Variants in ANK1 observed in about 807,000 individuals in gnomAD.
ANK1 encodes the protein ankyrin 1.
A neutral mutation model predicts 210.4 loss-of-function variants in ANK1; 51 were observed. The ratio of observed to expected loss-of-function variants is 0.24; its 90% CI spans 0.19 to 0.31. The LOEUF is 0.31. ANK1 is among the 10% of genes least tolerant of loss of function. The pLI, the probability that ANK1 is intolerant of heterozygous loss-of-function variation, is 1.00. For missense variants in ANK1, 2,051 were observed against 2,504.4 expected (o/e 0.82, Z 3.86); for synonymous variants, 967 against 1,025.9 (o/e 0.94, Z 1.10).
chr8:41,681,483 T>C (rs1188920124), intron 37 of ANK1, among the ~76,000 whole-genome samples: 1 of 152,226 alleles, frequency 6.6e-6, no homozygotes, highest in East Asian at 1.9e-4. Context: ...AGCAGAGCTA[T>C]GAAGGGAGAG....
chr8:41,793,926 C>T (rs996623484), intron 1 of ANK1, among the ~76,000 whole-genome samples: 1 of 152,144 alleles, frequency 6.6e-6, no homozygotes, highest in Admixed American at 6.5e-5. Context: ...CAGGTATAGC[C>T]ATGAAATATG....
intron 1 of ANK1, among the ~76,000 whole-genome samples, chr8:41,883,440 A>ATGTTTGTTTGTT (rs10544043): frequency 1.2e-3 from 174 of 150,238 alleles, no homozygotes; most frequent in African/African-American, 4.0e-3. Context: ...GAAGGATCTC[A>ATGTTTGTTTGTT]TGTTTGTTTG....
chr8:41,671,877 G>A lies in ANK1; in HGVS notation c.5096+477C>T, dbSNP rs191928177. On this transcript the variant is annotated intron_variant, in intron 38 of 42. Transcript: ENST00000289734. ...CCTAAGTGAGCCCTCCCAGCGCCCC[G>A]ATGTCCCTGAGTCCTCCCGGTGCCC... is the stretch of plus-strand genomic sequence containing the variant. Among the ~76,000 whole-genome samples the A allele has an allele frequency of 1.0e-3, 111 of 109,188 alleles. 3 individuals carry two copies. The East Asian group carries it at 0.017, about 16-fold the overall frequency. 71.6% of individuals were successfully genotyped at this position (109,188 alleles called of 152,430 possible).
chr8:41,774,975 G>T (rs1843691759), intron 1 of ANK1, among the ~76,000 whole-genome samples: 1 of 152,184 alleles, frequency 6.6e-6, no homozygotes, highest in South Asian at 2.1e-4. Flanking sequence ...GCGGCCTGCT[G>T]GTATGCGAGG....
intron 26 of ANK1, among the ~76,000 whole-genome samples, chr8:41,695,842 C>G (rs561130174): frequency 9.2e-5 from 14 of 152,360 alleles, no homozygotes; most frequent in Non-Finnish European, 1.8e-4. Flanking sequence ...ACCCATGGTG[C>G]CTGAGGGGCA....
At chr8:41,775,498 C>T (rs562955386) in intron 1 of ANK1, among the ~76,000 whole-genome samples, 1 of 152,338 alleles carries the variant, frequency 6.6e-6, no homozygotes, top group South Asian at 2.1e-4. Flanking sequence ...CCCGTCCACA[C>T]CCTCTAGCCC....
chr8:41,794,332 C>T (rs1848328910), intron 1 of ANK1, among the ~76,000 whole-genome samples: 1 of 152,210 alleles, frequency 6.6e-6, no homozygotes, highest in African/African-American at 2.4e-5. Flanking sequence ...TCCCATGACA[C>T]ACGCCTGCCT....
chr8:41,755,542 T>G (rs11787367), intron 2 of ANK1, among the ~76,000 whole-genome samples: 47,590 of 152,090 alleles, frequency 0.31, 7,950 homozygotes, highest in Middle Eastern at 0.39. Flanking sequence ...CCTCCAGGTG[T>G]GCATCTCTGC....
intron 42 of ANK1, among the ~76,000 whole-genome samples, chr8:41,659,086 TATGTAATATATAGG>T (rs1232759839): frequency 6.6e-6 from 1 of 152,190 alleles, no homozygotes; most frequent in Non-Finnish European, 1.5e-5. Flanking sequence ...CAAGACGCCT[TATGTAATATATAGG>T]GTTGACTCAT....
upstream of ANK1, chr8:41,797,758 C>T (rs907761787): frequency 1.2e-4 from 72 of 584,444 alleles, no homozygotes; most frequent in African/African-American, 1.2e-3. The surrounding 1 kb of genome is among the most constrained non-coding windows in gnomAD (Gnocchi z 4.0). Context: ...TACAAGAGCA[C>T]CTCCTCCCCC....
In ANK1 at chr8:41,661,503, A is replaced by T; in HGVS notation, c.5606T>A (p.Ile1869Lys). 1 of 1,613,980 alleles carries T rather than the reference A, an allele frequency of 6.2e-7. No homozygotes were observed. The highest frequency in any genetic ancestry group is 8.5e-7 in the Non-Finnish European group (1 of 1,180,004). Residue 1869 changes from isoleucine (I) to lysine (K), a missense_variant, in exon 42 of 43, where the codon ATA becomes AAA. Ile to Lys is a moderately radical substitution (Grantham distance 102). Transcript: ENST00000289734. ...CCTTTTCAGGCTGGCCCGCTTCACT[A>T]TCTGCGCCCCCTTCCTGCCCTCTAT... ...DLIEGRKGAQ[I>K]VKRASLKRGK...
At chr8:41,705,143 T>G (rs1824211665) in intron 18 of ANK1, among the ~76,000 whole-genome samples, 1 of 152,232 alleles carries the variant, frequency 6.6e-6, no homozygotes, top group African/African-American at 2.4e-5. Context: ...CTGAATTTTG[T>G]GGTAATGCCT....
intron 37 of ANK1, among the ~76,000 whole-genome samples, chr8:41,681,472 G>A (rs1028814821): frequency 2.0e-5 from 3 of 152,262 alleles, no homozygotes; most frequent in Non-Finnish European, 1.5e-5. Context: ...CACTGGTGGT[G>A]AGCAGAGCTA....
intron 1 of ANK1, among the ~76,000 whole-genome samples, chr8:41,812,443 A>G (rs1057312236): frequency 3.9e-5 from 6 of 152,226 alleles, no homozygotes; most frequent in African/African-American, 1.4e-4. Flanking sequence ...CAGCCATGGA[A>G]GGTCAACGGA....
At chr8:41,754,720 G>A (rs1374701791) in intron 2 of ANK1, among the ~76,000 whole-genome samples, 1 of 152,172 alleles carries the variant, frequency 6.6e-6, no homozygotes, top group African/African-American at 2.4e-5. Context: ...ATGCAGGATC[G>A]TCCCGCTGGG....
At chr8:41,871,468 C>T (rs956185717) in intron 1 of ANK1, among the ~76,000 whole-genome samples, 5 of 152,138 alleles carry the variant, frequency 3.3e-5, no homozygotes, top group East Asian at 1.9e-4. Context: ...CCACCACGTC[C>T]GGCCTATGGT....
intron 1 of ANK1, chr8:41,828,090 C>T (rs112394712): frequency 0.013 from 1,921 of 152,300 alleles, 27 homozygotes; most frequent in Non-Finnish European, 0.018. Flanking sequence ...CCCAGGGCCG[C>T]GAGCGCTCAG....
intron 29 of ANK1, 86 bp downstream of exon 29, chr8:41,693,812 G>T: frequency 6.9e-7 from 1 of 1,442,014 alleles, no homozygotes; most frequent in Non-Finnish European, 9.5e-7. Flanking sequence ...GGGATTGCTG[G>T]CCTCGCCTTC....
Position 41,725,743 on chromosome 8 carries a change from C to G in ANK1, c.612+18G>C, listed in dbSNP as rs57815524. On this transcript the variant is annotated intron_variant, in intron 6 of 42. Coordinates refer to ENST00000289734, the MANE Select transcript of ANK1 (RefSeq NM_000037.4). ...GGGCGTCCGCGGCCCAAGGCTCCTC[C>G]CTCCTCCTCGCCCTCACCTTGGAAA... 7.9e-3 allele frequency: 12,657 copies of G among 1,605,156 alleles called. 729 individuals carry two copies. The African/African-American group carries it at 0.14, about 17-fold the overall frequency.
Sources: gnomAD v4.1 joint callset for allele counts (sites outside exome capture counted in the v4.1 genomes callset) on GRCh38, gnomAD v4.1.1 for gene constraint, Gnocchi (gnomAD v3.1) non-coding constraint, MANE v1.5 for transcripts, NCBI Gene and HGNC (gene_info 2026-07-23, HGNC 2026-07-21) for gene names.